Variants in MACROD2 observed in about 807,000 individuals in gnomAD.
The protein encoded by MACROD2 is ADP-ribose glycohydrolase MACROD2.
MACROD2 carries 36 observed loss-of-function variants against 70.4 expected under a neutral mutation model. That is an observed-to-expected ratio of 0.51 (90% CI 0.39 to 0.68). The LOEUF is 0.68. Among genes scored for constraint, MACROD2 ranks in the 30% least tolerant of loss-of-function variants. The probability of loss-of-function intolerance (pLI) is 0.00; values close to 1 mark genes in which losing one functional copy is unlikely to be tolerated. For synonymous variants in MACROD2, 172 were observed against 178.8 expected, an observed-to-expected ratio of 0.96 and a Z score of 0.30; for missense variants, 496 against 538.4, an observed-to-expected ratio of 0.92 and a Z score of 0.78.
chr20:15,421,300 C>T (rs1433124732), intron 6 of MACROD2, among the ~76,000 whole-genome samples: 1 of 151,938 alleles, frequency 6.6e-6, no homozygotes, highest in Non-Finnish European at 1.5e-5. Flanking sequence ...ATCACCTCAG[C>T]TCAGGGAGGC....
At chr20:14,156,053 T>C (rs867895814) in intron 3 of MACROD2, among the ~76,000 whole-genome samples, 2 of 152,144 alleles carry the variant, frequency 1.3e-5, no homozygotes, top group South Asian at 4.2e-4. Context: ...TCCCAATTAC[T>C]TGGGAGGCTG....
chr20:14,910,579 A>G (rs2074014468), intron 5 of MACROD2, among the ~76,000 whole-genome samples: 1 of 152,176 alleles, frequency 6.6e-6, no homozygotes, highest in Non-Finnish European at 1.5e-5. Context: ...CCTCTTTTAA[A>G]CTTAGGCTTC....
chr20:14,721,669 G>A (rs981750534), intron 5 of MACROD2, among the ~76,000 whole-genome samples: 17 of 152,118 alleles, frequency 1.1e-4, no homozygotes, highest in African/African-American at 4.1e-4. Flanking sequence ...GGTTTCTTCT[G>A]TATTGAAAAG....
chr20:15,881,660 T>C (rs558993344), intron 9 of MACROD2, among the ~76,000 whole-genome samples: 1 of 152,262 alleles, frequency 6.6e-6, no homozygotes, highest in South Asian at 2.1e-4. Flanking sequence ...CTTAGTAGAA[T>C]CCAGGCTTCT....
intron 8 of MACROD2, among the ~76,000 whole-genome samples, chr20:15,704,379 C>T (rs542803882): frequency 6.6e-6 from 1 of 152,086 alleles, no homozygotes; most frequent in Admixed American, 6.5e-5. Flanking sequence ...TCTTCCTATT[C>T]GAGGAAATCC....
chr20:14,105,886 C>T (rs766440619), intron 3 of MACROD2, among the ~76,000 whole-genome samples: 16 of 152,142 alleles, frequency 1.1e-4, no homozygotes, highest in African/African-American at 1.7e-4. Context: ...AGAGAACCTG[C>T]GGCCTTGAAG....
intron 5 of MACROD2, among the ~76,000 whole-genome samples, chr20:14,991,923 C>G (rs145848130): frequency 1.5e-3 from 224 of 152,238 alleles, no homozygotes; most frequent in African/African-American, 5.0e-3. Flanking sequence ...ATCCATCCAT[C>G]CAACTCTCCA....
At chr20:14,148,419 A>G (rs11905778) in intron 3 of MACROD2, among the ~76,000 whole-genome samples, 31,879 of 152,128 alleles carry the variant, frequency 0.21, 3,494 homozygotes, top group Admixed American at 0.25. Context: ...TCTGAAGAAC[A>G]TGACTGCATA....
intron 5 of MACROD2, among the ~76,000 whole-genome samples, chr20:15,203,668 G>T (rs578219089): frequency 4.0e-5 from 6 of 149,206 alleles, no homozygotes; most frequent in South Asian, 2.1e-4. Context: ...ACTAAACTAA[G>T]ATAATTTAAT....
intron 3 of MACROD2, among the ~76,000 whole-genome samples, chr20:14,130,805 A>G (rs2054707345): frequency 6.6e-6 from 1 of 152,154 alleles, no homozygotes; most frequent in Non-Finnish European, 1.5e-5. Context: ...TTGGAGATAA[A>G]TTATGAACAT....
At chr20:14,474,225 GTCTTAT>G (rs1196953346) in intron 3 of MACROD2, among the ~76,000 whole-genome samples, 3 of 151,874 alleles carry the variant, frequency 2.0e-5, no homozygotes, top group African/African-American at 4.8e-5. Context: ...TGATTTTGAG[GTCTTAT>G]CCAAAAAAAC....
chr20:14,558,660 A>C (rs1979217646), intron 4 of MACROD2, among the ~76,000 whole-genome samples: 1 of 151,790 alleles, frequency 6.6e-6, no homozygotes, highest in African/African-American at 2.4e-5. Context: ...TGTGCACATC[A>C]AATAATAGTG....
chr20:14,675,407 C>T (rs1228776793), intron 4 of MACROD2, among the ~76,000 whole-genome samples: 1 of 152,176 alleles, frequency 6.6e-6, no homozygotes, highest in Non-Finnish European at 1.5e-5. Context: ...ATTCAACATT[C>T]TTATAGAAAA....
intron 5 of MACROD2, among the ~76,000 whole-genome samples, chr20:14,929,144 C>T (rs1164378240): frequency 6.6e-6 from 1 of 152,168 alleles, no homozygotes; most frequent in East Asian, 1.9e-4. Context: ...TTACAATTCT[C>T]ATACCAACTA....
chr20:15,942,876 T>C (rs1733371729), intron 12 of MACROD2, among the ~76,000 whole-genome samples: 2 of 152,158 alleles, frequency 1.3e-5, no homozygotes, highest in Admixed American at 1.3e-4. Flanking sequence ...CAGTACCTAA[T>C]TTAAATTTGA....
At chr20:14,108,746 G>A (rs938378514) in intron 3 of MACROD2, among the ~76,000 whole-genome samples, 5 of 151,984 alleles carry the variant, frequency 3.3e-5, no homozygotes, top group African/African-American at 1.2e-4. Context: ...CAATGCTGGA[G>A]CACCCAGATG....
At chr20:15,615,747 C>G (rs1475014741) in intron 8 of MACROD2, among the ~76,000 whole-genome samples, 3 of 152,162 alleles carry the variant, frequency 2.0e-5, no homozygotes, top group African/African-American at 7.2e-5. Flanking sequence ...ACATTTATCC[C>G]TCCCTGCCAC....
intron 5 of MACROD2, among the ~76,000 whole-genome samples, chr20:14,755,076 T>G (rs1056523189): frequency 5.9e-5 from 9 of 152,076 alleles, no homozygotes; most frequent in Non-Finnish European, 1.2e-4. Context: ...TTGGTGGAAG[T>G]GACAACTCTA....
At chr20:15,167,978 A>G (rs1222675364) in intron 5 of MACROD2, among the ~76,000 whole-genome samples, 2 of 152,222 alleles carry the variant, frequency 1.3e-5, no homozygotes, top group South Asian at 2.1e-4. Context: ...GAAGTATACA[A>G]GGTCTTTCCT....
Sources: allele counts gnomAD v4.1 joint callset (sites outside exome capture counted in the v4.1 genomes callset), GRCh38; gene constraint gnomAD v4.1.1; transcripts MANE v1.5; gene names NCBI Gene and HGNC (gene_info 2026-07-23, HGNC 2026-07-21).